Variants in NRG1 observed in about 807,000 individuals in gnomAD.
The protein encoded by NRG1 is pro-neuregulin-1, membrane-bound isoform.
NRG1 carries 18 observed loss-of-function variants against 63.8 expected under a neutral mutation model. The ratio of observed to expected loss-of-function variants is 0.28; its 90% CI spans 0.19 to 0.42. NRG1 has a LOEUF of 0.42. NRG1 is among the 10% of genes least tolerant of loss of function. NRG1 has a pLI of 1.00. For synonymous variants in NRG1, 302 were observed against 301.3 expected, an observed-to-expected ratio of 1.00 and a Z score of -0.02; for missense variants, 762 against 814.7, an observed-to-expected ratio of 0.94 and a Z score of 0.79.
At chr8:31,807,361 T>A (rs961943283) in intron 1 of NRG1, among the ~76,000 whole-genome samples, 1 of 152,300 alleles carries the variant, frequency 6.6e-6, no homozygotes, top group South Asian at 2.1e-4. Flanking sequence ...TTTTATTGTA[T>A]GTCTTCTCTA....
At chr8:31,749,387 C>CA (rs1448429098) in intron 1 of NRG1, among the ~76,000 whole-genome samples, 1 of 151,668 alleles carries the variant, frequency 6.6e-6, no homozygotes, top group Non-Finnish European at 1.5e-5. Flanking sequence ...TTGTCATTTT[C>CA]AAAAATGATA....
chr8:32,511,623 T>C (rs1829231539), intron 1 of NRG1, among the ~76,000 whole-genome samples: 1 of 151,962 alleles, frequency 6.6e-6, no homozygotes, highest in African/African-American at 2.4e-5. Flanking sequence ...GCCTCCTAGA[T>C]TGGCTGGCTT....
chr8:31,795,001 C>A (rs931539551), intron 1 of NRG1, among the ~76,000 whole-genome samples: 8 of 152,128 alleles, frequency 5.3e-5, no homozygotes, highest in Non-Finnish European at 1.0e-4. Context: ...TGGAGTTTCA[C>A]CATGTTGGCC....
intron 1 of NRG1, among the ~76,000 whole-genome samples, chr8:31,683,390 C>G (rs932227334): frequency 1.7e-4 from 26 of 151,952 alleles, no homozygotes; most frequent in African/African-American, 6.3e-4. Flanking sequence ...TGAGCCATCA[C>G]GTCATGAAAA....
intron 1 of NRG1, among the ~76,000 whole-genome samples, chr8:31,655,432 C>G (rs1805336458): frequency 6.6e-6 from 1 of 152,072 alleles, no homozygotes; most frequent in Non-Finnish European, 1.5e-5. Context: ...AGAAGCATTT[C>G]TGTTAGGGTA....
rs190389924 is a variant in NRG1 at position 32,484,173 on chromosome 8, C to T, written c.38-111655C>T. On this transcript the variant is annotated intron_variant, in intron 1 of 10. Transcript: ENST00000519301. ...AAAGTCATTTGAGGTTTGGTTTAGG[C>T]AGGAAATAGAACAAAACCAGTGTAC... Among the ~76,000 whole-genome samples, 3 of 151,324 alleles carry T rather than the reference C, an allele frequency of 2.0e-5. No individual in the cohort carries two copies. The East Asian group carries it at 5.8e-4, about 29-fold the overall frequency.
chr8:32,015,163 C>T (rs753686185), intron 1 of NRG1, among the ~76,000 whole-genome samples: 3 of 152,072 alleles, frequency 2.0e-5, no homozygotes, highest in Admixed American at 6.5e-5. Flanking sequence ...TATGTCTCAT[C>T]GGTAAATTAA....
chr8:32,332,969 A>G (rs1802827874), intron 1 of NRG1, among the ~76,000 whole-genome samples: 1 of 152,230 alleles, frequency 6.6e-6, no homozygotes, highest in Non-Finnish European at 1.5e-5. Flanking sequence ...TGACCCTGAA[A>G]TAACCATCAT....
At chr8:32,096,087 G>A (rs1365097309) in intron 1 of NRG1, among the ~76,000 whole-genome samples, 2 of 152,184 alleles carry the variant, frequency 1.3e-5, no homozygotes, top group Non-Finnish European at 2.9e-5. Flanking sequence ...GATTCCAGCT[G>A]TGGTAGCCAG....
intron 1 of NRG1, among the ~76,000 whole-genome samples, chr8:31,805,275 T>C (rs1822157430): frequency 6.6e-6 from 1 of 152,018 alleles, no homozygotes; most frequent in Admixed American, 6.6e-5. Context: ...TTTAAATTAA[T>C]TGTAGTATAA....
At chr8:31,853,690 A>C (rs1208195040) in intron 1 of NRG1, among the ~76,000 whole-genome samples, 9 of 150,838 alleles carry the variant, frequency 6.0e-5, no homozygotes, top group Admixed American at 6.6e-5. Context: ...GTCTTGTGCC[A>C]GTTTTCAAAG....
At chr8:31,948,585 G>T (rs1290542163) in intron 1 of NRG1, among the ~76,000 whole-genome samples, 1 of 152,138 alleles carries the variant, frequency 6.6e-6, no homozygotes, top group Non-Finnish European at 1.5e-5. Flanking sequence ...AGTGATCTAA[G>T]CCATAGAGAG....
chr8:31,679,183 T>C (rs1044240911), intron 1 of NRG1, among the ~76,000 whole-genome samples: 2 of 152,038 alleles, frequency 1.3e-5, no homozygotes, highest in Admixed American at 1.3e-4. Context: ...TTTTCACCTG[T>C]TGTCTTCTCA....
chr8:32,579,889 T>C (rs973025087), intron 1 of NRG1, among the ~76,000 whole-genome samples: 1 of 152,108 alleles, frequency 6.6e-6, no homozygotes, highest in Non-Finnish European at 1.5e-5. Flanking sequence ...AGGAGAGAAA[T>C]CATTTTCTTG....
chr8:32,085,183 G>T (rs752244869), intron 1 of NRG1, among the ~76,000 whole-genome samples: 1 of 152,110 alleles, frequency 6.6e-6, no homozygotes, highest in Admixed American at 6.6e-5. Context: ...ATATCCACTC[G>T]CCCATAGGAT....
chr8:32,284,354 A>G (rs913575932), intron 1 of NRG1, among the ~76,000 whole-genome samples: 4 of 151,854 alleles, frequency 2.6e-5, no homozygotes, highest in African/African-American at 9.7e-5. Context: ...CTAAATCTTC[A>G]TTTGTCCTTG....
intron 1 of NRG1, among the ~76,000 whole-genome samples, chr8:31,888,220 C>T (rs920007512): frequency 2.6e-5 from 4 of 151,906 alleles, no homozygotes; most frequent in Non-Finnish European, 4.4e-5. Context: ...TTGGAACTCA[C>T]GCTGAAGTAG....
At chr8:32,023,065 T>C (rs1014047026) in intron 1 of NRG1, among the ~76,000 whole-genome samples, 1 of 152,224 alleles carries the variant, frequency 6.6e-6, no homozygotes, top group Non-Finnish European at 1.5e-5. Context: ...ATATTCAGTG[T>C]TGGAAATTAA....
chr8:32,016,328 G>C (rs942408902), intron 1 of NRG1, among the ~76,000 whole-genome samples: 2 of 152,078 alleles, frequency 1.3e-5, no homozygotes, highest in Non-Finnish European at 2.9e-5. Flanking sequence ...CTGCCAAAGT[G>C]CTGGGATTAC....
Sources: gnomAD v4.1 joint callset for allele counts (sites outside exome capture counted in the v4.1 genomes callset) on GRCh38, gnomAD v4.1.1 for gene constraint, MANE v1.5 for transcripts, NCBI Gene and HGNC (gene_info 2026-07-23, HGNC 2026-07-21) for gene names.